EPHB2: variants seen among roughly 807,000 people sequenced by gnomAD.
The protein encoded by EPHB2 is EPH receptor B2.
EPHB2 carries 18 observed loss-of-function variants against 96.4 expected under a neutral mutation model. The ratio of observed to expected loss-of-function variants is 0.19; its 90% CI spans 0.13 to 0.28. The LOEUF is 0.28. EPHB2 is among the 10% of genes least tolerant of loss of function. The pLI is 1.00. For missense variants in EPHB2, 989 were observed against 1,355.4 expected (o/e 0.73, Z 4.25); for synonymous variants, 506 against 534.1 (o/e 0.95, Z 0.72).
At chr1:22,901,266 A>C (rs1222373867) in intron 9 of EPHB2, among the ~76,000 whole-genome samples, 1 of 152,184 alleles carries the variant, frequency 6.6e-6, no homozygotes, top group Non-Finnish European at 1.5e-5. Flanking sequence ...TTAATCTTGC[A>C]ACCCCCTTAG....
intron 3 of EPHB2, among the ~76,000 whole-genome samples, chr1:22,852,847 G>A (rs934724504): frequency 6.6e-6 from 1 of 152,212 alleles, no homozygotes; most frequent in East Asian, 1.9e-4. Context: ...AGTCAGCAGG[G>A]CAGGTGCAGT....
At chr1:22,815,784 G>T (rs1408715037) in intron 3 of EPHB2, among the ~76,000 whole-genome samples, 1 of 152,206 alleles carries the variant, frequency 6.6e-6, no homozygotes. Context: ...CTGGGCGAAG[G>T]TCCGGAGGCA....
Position 22,784,781 on chromosome 1 carries a change from C to T in EPHB2, c.516C>T (p.Ser172=), listed in dbSNP as rs1425612120. Residue 172 remains serine, a synonymous_variant, in exon 3 of 16, where the codon AGC becomes AGT. Coordinates refer to ENST00000374630, the MANE Select transcript of EPHB2 (RefSeq NM_017449.5). The surrounding 1 kb of genome is among the most constrained non-coding windows in gnomAD (Gnocchi z 5.1). The stretch of plus-strand genomic sequence containing the variant: ...GGAGCTTCGGACCTGTGTCCCGCAG[C>T]GGCTTCTACCTGGCCTTCCAGGACT... ...EVRSFGPVSR[S]GFYLAFQDYG... 8 of 1,605,926 alleles carry T rather than the reference C, an allele frequency of 5.0e-6. No individual in the cohort carries two copies. Among genetic ancestry groups the T allele is most frequent in the East Asian group, 2.2e-5 (1 of 44,750 alleles).
chr1:22,795,208 G>A (rs1480241639), intron 3 of EPHB2, among the ~76,000 whole-genome samples: 2 of 152,250 alleles, frequency 1.3e-5, no homozygotes, highest in African/African-American at 4.8e-5. Flanking sequence ...TGCATGGCAA[G>A]TGAGAGACTT....
Position 22,864,963 on chromosome 1 carries a change from G to A in EPHB2, c.1054G>A (p.Gly352Ser). The change falls in exon 5 of 16, where the codon GGC becomes AGC. Residue 352 changes from glycine (G) to serine (S), a missense_variant. Gly to Ser is a moderately conservative substitution (Grantham distance 56). Transcript: ENST00000374630. ...GTGGACCCCTCCCCGCGACTCCGGA[G>A]GCCGAGAGGACCTCGTCTACAACAT... The part of the protein sequence containing the change: ...LEWTPPRDSG[G>S]REDLVYNIIC... 6.2e-7 allele frequency: 1 copy of A among 1,605,546 alleles called. No individual in the cohort carries two copies.
intron 3 of EPHB2, among the ~76,000 whole-genome samples, chr1:22,848,739 C>T (rs1295045650): frequency 1.3e-5 from 2 of 152,250 alleles, no homozygotes; most frequent in East Asian, 1.9e-4. Context: ...AATCCCTTCT[C>T]CCAGAGATGC....
Position 22,860,831 on chromosome 1 carries a change from A to G in EPHB2, c.812-2206A>G, listed in dbSNP as rs1486625987. On this transcript the variant is annotated intron_variant, in intron 3 of 15. Transcript: ENST00000374630. The surrounding 1 kb of genome is among the most constrained non-coding windows in gnomAD (Gnocchi z 4.6). ...GACCAGAGCTGGGGCTGCAGCCTGC[A>G]TGTCCTGACTGCCCAGAAGCTCTGG... 6.6e-6 allele frequency among the ~76,000 whole-genome samples: 1 copy of G among 152,124 alleles called. No homozygotes were observed. The highest frequency in any genetic ancestry group is 1.5e-5 in the Non-Finnish European group (1 of 68,026).
intron 3 of EPHB2, among the ~76,000 whole-genome samples, chr1:22,809,317 C>G (rs545513794): frequency 6.6e-6 from 1 of 152,200 alleles, no homozygotes; most frequent in Admixed American, 6.5e-5. Flanking sequence ...TCGGCACCCT[C>G]AGAGCAAGAC....
At chr1:22,824,330 A>T (rs1015433371) in intron 3 of EPHB2, among the ~76,000 whole-genome samples, 4 of 152,036 alleles carry the variant, frequency 2.6e-5, no homozygotes, top group Non-Finnish European at 4.4e-5. Flanking sequence ...GAAGAAAAGA[A>T]GAAGAAAGGC....
Position 22,895,590 on chromosome 1 carries a change from G to C in EPHB2, c.1700+10G>C, listed in dbSNP as rs374837404. Reference sequence around the variant, plus strand: ...CCATCGTGTGTAACAGGTGGGTGGGGTCTCCAGGCTTGGCCAGGCCTGGCT... The same window carrying C: ...CCATCGTGTGTAACAGGTGGGTGGGCTCTCCAGGCTTGGCCAGGCCTGGCT... On this transcript the variant is annotated intron_variant, in intron 8 of 15. Transcript: ENST00000374630. 19 of 1,613,806 alleles carry C rather than the reference G, an allele frequency of 1.2e-5. No homozygotes were observed. In the African/African-American group the frequency reaches 2.4e-4, roughly 20 times the overall value.
rs1645739616 is a variant in EPHB2 at position 22,858,518 on chromosome 1, G to A, written c.812-4519G>A. Reference sequence around the variant, plus strand: ...TGAGGAGACTGAGTTTCAAAGGGGAGGAGGCCTTCCCAAGCCCACACGCCC... The same window carrying A: ...TGAGGAGACTGAGTTTCAAAGGGGAAGAGGCCTTCCCAAGCCCACACGCCC... On this transcript the variant is annotated intron_variant, in intron 3 of 15. Coordinates refer to ENST00000374630, the MANE Select transcript of EPHB2 (RefSeq NM_017449.5). The surrounding 1 kb of genome is among the most constrained non-coding windows in gnomAD (Gnocchi z 7.7). Among the ~76,000 whole-genome samples the A allele has an allele frequency of 6.6e-6, 1 of 152,150 alleles. No individual in the cohort carries two copies. Among genetic ancestry groups the A allele is most frequent in the South Asian group, 2.1e-4 (1 of 4,824 alleles).
At chr1:22,740,222 T>A (rs1050764489) in intron 1 of EPHB2, among the ~76,000 whole-genome samples, 1 of 152,212 alleles carries the variant, frequency 6.6e-6, no homozygotes. Flanking sequence ...ACTGAAACCC[T>A]CTTCAACTGC....
At chr1:22,895,737 C>T (rs1010271807) in intron 8 of EPHB2, among the ~76,000 whole-genome samples, 157 bp downstream of exon 8, 4 of 152,256 alleles carry the variant, frequency 2.6e-5, no homozygotes, top group Admixed American at 6.5e-5. Context: ...AAGTGGCTTC[C>T]CACTACCTAA....
rs1639973173 is a variant in EPHB2 at position 22,908,050 on chromosome 1, G to A, written c.2234G>A (p.Arg745His). Residue 745 changes from arginine to histidine, a missense_variant, in exon 12 of 16, where the codon CGT (arginine) becomes CAT (histidine). Physicochemically the swap from Arg to His is conservative, Grantham distance 29. Transcript: ENST00000374630. ...CTGGCAGACATGAACTATGTTCACC[G>A]TGACCTGGCTGCCCGCAACATCCTC... ...KYLADMNYVH[R>H]DLAARNILVN... 2 of 1,614,250 alleles carry A rather than the reference G, an allele frequency of 1.2e-6. No individual in the cohort carries two copies. Among genetic ancestry groups the A allele is most frequent in the Non-Finnish European group, 8.5e-7 (1 of 1,180,050 alleles).
rs111905161 is a variant in EPHB2, at chr1:22,889,803, G to C, written c.1429-3081G>C. 8.1e-3 allele frequency among the ~76,000 whole-genome samples: 1,229 copies of C among 152,328 alleles called. 9 individuals carry two copies. The highest frequency in any genetic ancestry group is 0.017 in the Middle Eastern group (5 of 294). ...GTGTCCATGGAAGGTAGAGTTGCTAGATAAAATAGAAGACACATGATTACA... is the reference window on the plus strand; with the variant it reads ...GTGTCCATGGAAGGTAGAGTTGCTACATAAAATAGAAGACACATGATTACA... On this transcript the variant is annotated intron_variant, in intron 6 of 15. Transcript: ENST00000374630.
intron 1 of EPHB2, among the ~76,000 whole-genome samples, chr1:22,736,130 GTCA>G (rs1184491946): frequency 6.6e-6 from 1 of 152,168 alleles, no homozygotes; most frequent in Non-Finnish European, 1.5e-5. Context: ...GATCGTAGTG[GTCA>G]TCGTTGTTGC....
rs144081850 is a variant in EPHB2, at chr1:22,807,908, C to T, written c.811+22832C>T. Among the ~76,000 whole-genome samples, 1,140 of 152,216 alleles carry T rather than the reference C, an allele frequency of 7.5e-3. 19 individuals are homozygous for T. Among genetic ancestry groups the T allele is most frequent in the African/African-American group, 0.025 (1,059 of 41,532 alleles). On this transcript the variant is annotated intron_variant, in intron 3 of 15. Coordinates refer to ENST00000374630, the MANE Select transcript of EPHB2 (RefSeq NM_017449.5). Reference sequence around the variant, plus strand: ...CAGCACTTTAGGAGGCCGAGGCAGGCGGATTAGCTGAGGTCAGGAGTTTGA... The same window carrying T: ...CAGCACTTTAGGAGGCCGAGGCAGGTGGATTAGCTGAGGTCAGGAGTTTGA...
Position 22,907,985 on chromosome 1 carries a change from G to A in EPHB2, c.2169G>A (p.Leu723=). The change falls in exon 12 of 16, where the codon CTG becomes CTA. Residue 723 remains leucine (L), a synonymous_variant. Coordinates refer to ENST00000374630, the MANE Select transcript of EPHB2 (RefSeq NM_017449.5). ...QNDGQFTVIQ[L]VGMLRGIAAG... ...ATGGGCAGTTCACAGTCATCCAGCTGGTGGGCATGCTTCGGGGCATCGCAG... is the reference window on the plus strand; with the variant it reads ...ATGGGCAGTTCACAGTCATCCAGCTAGTGGGCATGCTTCGGGGCATCGCAG... The A allele has an allele frequency of 6.2e-7, 1 of 1,614,256 alleles. No individual in the cohort carries two copies. The highest frequency in any genetic ancestry group is 8.5e-7 in the Non-Finnish European group (1 of 1,180,048).
At chr1:22,850,916 C>T (rs912342371) in intron 3 of EPHB2, among the ~76,000 whole-genome samples, 4 of 152,140 alleles carry the variant, frequency 2.6e-5, no homozygotes, top group African/African-American at 9.7e-5. Context: ...GGGCAAGAGG[C>T]CAGGCGGGTG....
Sources: gnomAD v4.1 joint callset for allele counts (sites outside exome capture counted in the v4.1 genomes callset) on GRCh38, gnomAD v4.1.1 for gene constraint, Gnocchi (gnomAD v3.1) non-coding constraint, MANE v1.5 for transcripts, NCBI Gene and HGNC (gene_info 2026-07-23, HGNC 2026-07-21) for gene names.